Variants in LRRN4 observed in about 807,000 individuals in gnomAD.
The protein encoded by LRRN4 is leucine-rich repeat neuronal protein 4.
In LRRN4, 26 loss-of-function variants were observed where a neutral mutation model predicts 22.3. The ratio of observed to expected loss-of-function variants is 1.16; its 90% CI spans 0.85 to 1.62. The LOEUF (loss-of-function observed/expected upper bound fraction) is 1.62. LRRN4 is among the 40% of genes most tolerant of loss of function. LRRN4 has a pLI of 0.00. For synonymous variants in LRRN4, 496 were observed against 486.2 expected, an observed-to-expected ratio of 1.02 and a Z score of -0.26; for missense variants, 1,070 against 1,008.5, an observed-to-expected ratio of 1.06 and a Z score of -0.83.
Position 6,041,207 on chromosome 20 carries a change from A to G in LRRN4, c.2038T>C (p.Phe680Leu). 6.3e-7 allele frequency: 1 copy of G among 1,589,626 alleles called. No individual in the cohort carries two copies. Among genetic ancestry groups the G allele is most frequent in the Non-Finnish European group, 8.6e-7 (1 of 1,165,936 alleles). The change falls in exon 5 of 5, where the codon TTC becomes CTC. Residue 680 changes from phenylalanine to leucine, a missense_variant. By Grantham distance (22) the Phe-to-Leu change is conservative. Transcript: ENST00000378858. The surrounding 1 kb of genome is among the most constrained non-coding windows in gnomAD (Gnocchi z 9.4). The part of the protein sequence containing the change: ...PCAAFTTKPS[F>L]ALLLSGLCAA... ...CACAGCCCAGAGAGCAGGAGCGCGAAGCTGGGCTTGGTGGTGAAGGCGGCG... is the reference window on the plus strand; with the variant it reads ...CACAGCCCAGAGAGCAGGAGCGCGAGGCTGGGCTTGGTGGTGAAGGCGGCG...
intron 4 of LRRN4, among the ~76,000 whole-genome samples, chr20:6,043,874 C>T (rs569435677): frequency 6.6e-6 from 1 of 152,256 alleles, no homozygotes; most frequent in South Asian, 2.1e-4. Flanking sequence ...TACCACTGCA[C>T]TCCAGCCTGC....
At chr20:6,046,547 G>A (rs1004481107) in intron 3 of LRRN4, among the ~76,000 whole-genome samples, 10 of 148,446 alleles carry the variant, frequency 6.7e-5, no homozygotes, top group African/African-American at 2.4e-4. Context: ...TCATTTACAT[G>A]TACTCAGTGA....
chr20:6,053,052 T>C (rs558930280), intron 1 of LRRN4, among the ~76,000 whole-genome samples: 1 of 152,266 alleles, frequency 6.6e-6, no homozygotes, highest in African/African-American at 2.4e-5. Context: ...AAGGATGCCT[T>C]TTCCTCTTCT....
intron 4 of LRRN4, among the ~76,000 whole-genome samples, chr20:6,043,201 G>C (rs1981014534): frequency 6.6e-6 from 1 of 152,138 alleles, no homozygotes; most frequent in Admixed American, 6.5e-5. Flanking sequence ...TTGAGGCCAG[G>C]AGTTGGAGAC....
In LRRN4 at chr20:6,041,227, G is replaced by T; in HGVS notation, c.2018C>A (p.Ala673Asp). Residue 673 changes from alanine to aspartate, a missense_variant, in exon 5 of 5, where the codon GCC (alanine) becomes GAC (aspartate). By Grantham distance (126) the Ala-to-Asp change is moderately radical. Transcript: ENST00000378858. This position sits in a 1 kb window ranked among gnomAD's most constrained non-coding sequence, Gnocchi z 9.4. ...RSSGWRSPCA[A>D]FTTKPSFALL... ...CGCGAAGCTGGGCTTGGTGGTGAAGGCGGCGCACGGGCTCCTCCAGCCCGA... is the reference window on the plus strand; with the variant it reads ...CGCGAAGCTGGGCTTGGTGGTGAAGTCGGCGCACGGGCTCCTCCAGCCCGA... 1 of 1,582,054 alleles carries T rather than the reference G, an allele frequency of 6.3e-7. No homozygotes were observed. The highest frequency in any genetic ancestry group is 8.6e-7 in the Non-Finnish European group (1 of 1,163,202).
At position 6,042,009 on chromosome 20, in the gene LRRN4, C is replaced by T. The variant is rs1254740639; in HGVS notation, c.1236G>A (p.Val412=). ...DQQSVSKAPN[V]GSRTIAAWPH... Reference sequence around the variant, plus strand: ...GCCATGCAGCTATCGTGCGAGAGCCCACGTTAGGGGCCTTGGAGACACTCT... The same window carrying T: ...GCCATGCAGCTATCGTGCGAGAGCCTACGTTAGGGGCCTTGGAGACACTCT... Residue 412 remains valine, a synonymous_variant, in exon 5 of 5, where the codon GTG becomes GTA. Transcript: ENST00000378858. 4.3e-6 allele frequency: 7 copies of T among 1,613,872 alleles called. No individual in the cohort carries two copies. The highest frequency in any genetic ancestry group is 8.5e-7 in the Non-Finnish European group (1 of 1,179,984).
In LRRN4 at chr20:6,041,259, T is replaced by A. The variant is rs751356192; in HGVS notation, c.1986A>T (p.Pro662=). The A allele has an allele frequency of 3.2e-6, 5 of 1,585,714 alleles. No homozygotes were observed. The highest frequency in any genetic ancestry group is 4.3e-6 in the Non-Finnish European group (5 of 1,167,156). The change falls in exon 5 of 5, where the codon CCA becomes CCT. Residue 662 remains proline, a synonymous_variant. Coordinates refer to ENST00000378858, the MANE Select transcript of LRRN4 (RefSeq NM_152611.5). The surrounding 1 kb of genome is among the most constrained non-coding windows in gnomAD (Gnocchi z 9.4). ...ACGGGCTCCTCCAGCCCGAAGACCG[T>A]GGCTGGCTCAAGCCCGCCCTGTTGG... is the stretch of plus-strand genomic sequence containing the variant. ...LAANRAGLSQ[P]RSSGWRSPCA... is the part of the protein sequence containing the mutation.
chr20:6,052,656 G>A lies in LRRN4; in HGVS notation c.144C>T (p.Cys48=). The change falls in exon 2 of 5, where the codon TGC becomes TGT. Residue 48 remains cysteine, a synonymous_variant. Coordinates refer to ENST00000378858, the MANE Select transcript of LRRN4 (RefSeq NM_152611.5). ...SSGSNATDSP[C]EGLPAADATA... is the part of the protein sequence containing the mutation. ...TCGCATCCGCGGCGGGCAGCCCCTC[G>A]CAGGGCGAGTCGGTGGCGTTGCTGC... The A allele has an allele frequency of 6.3e-7, 1 of 1,583,216 alleles. No individual in the cohort carries two copies. Among genetic ancestry groups the A allele is most frequent in the East Asian group, 2.3e-5 (1 of 44,056 alleles).
intron 3 of LRRN4, among the ~76,000 whole-genome samples, chr20:6,048,906 T>C (rs76529968): frequency 0.093 from 14,140 of 152,050 alleles, 850 homozygotes; most frequent in Middle Eastern, 0.21. Flanking sequence ...TAAGTGGAAA[T>C]AGGCAAGGAC....
chr20:6,040,695 C>T lies in LRRN4; in HGVS notation c.*327G>A, dbSNP rs895948934. The T allele has an allele frequency of 3.5e-6, 1 of 288,170 alleles. No individual in the cohort carries two copies. Among genetic ancestry groups the T allele is most frequent in the Non-Finnish European group, 6.5e-6 (1 of 153,710 alleles). The allele number at this position is 288,170 out of a possible 1,614,324, so 17.9% of individuals were successfully genotyped here. The stretch of plus-strand genomic sequence containing the variant: ...AACTTCTCTGTTTCATCCCTTCCTA[C>T]GTCCATACACTATTCTACTGGATAG... On this transcript the variant is annotated 3_prime_UTR_variant, in exon 5 of 5. Transcript: ENST00000378858.
chr20:6,040,934 G>C lies in LRRN4; in HGVS notation c.*88C>G. On this transcript the variant is annotated 3_prime_UTR_variant, in exon 5 of 5. Transcript: ENST00000378858. ...GGCTTCACGGGAATTAGAAACCCTAGGAGCGGATGGGGTCGTTTTTGACCG... is the reference window on the plus strand; with the variant it reads ...GGCTTCACGGGAATTAGAAACCCTACGAGCGGATGGGGTCGTTTTTGACCG... 1.3e-6 allele frequency: 2 copies of C among 1,544,520 alleles called. No individual in the cohort carries two copies. The highest frequency in any genetic ancestry group is 1.8e-6 in the Non-Finnish European group (2 of 1,141,344).
chr20:6,040,805 C>T lies in LRRN4; in HGVS notation c.*217G>A. 4.7e-6 allele frequency: 3 copies of T among 637,304 alleles called. No homozygotes were observed. Among genetic ancestry groups the T allele is most frequent in the Non-Finnish European group, 7.9e-6 (3 of 378,024 alleles). 39.5% of individuals were successfully genotyped at this position (637,304 alleles called of 1,614,324 possible). On this transcript the variant is annotated 3_prime_UTR_variant, in exon 5 of 5. Coordinates refer to ENST00000378858, the MANE Select transcript of LRRN4 (RefSeq NM_152611.5). ...CAGTGGGGAGCGATCTGGCATTGAC[C>T]ATCAGGTTTCTGGGAACAGAGTTAA...
intron 3 of LRRN4, 96 bp from the exon 4 acceptor site, chr20:6,044,776 A>T (rs914359275): frequency 1.7e-6 from 2 of 1,147,116 alleles, no homozygotes; most frequent in Non-Finnish European, 2.3e-6. Context: ...TGCCCATGGT[A>T]TCAGAAGCAT....
At chr20:6,047,419 C>CACACAT (rs1555796871) in intron 3 of LRRN4, among the ~76,000 whole-genome samples, 1 of 92,622 alleles carries the variant, frequency 1.1e-5, no homozygotes, top group East Asian at 2.6e-4. Flanking sequence ...AAGAAGCAGA[C>CACACAT]ACACATACAC....
chr20:6,053,509 T>C (rs1018897991), intron 1 of LRRN4, among the ~76,000 whole-genome samples: 2 of 152,038 alleles, frequency 1.3e-5, no homozygotes, highest in African/African-American at 2.4e-5. Context: ...GAGCTGCTAG[T>C]TGTGGAATTT....
Position 6,044,553 on chromosome 20 carries a change from C to A in LRRN4, c.988G>T (p.Val330Phe). 1 of 1,577,814 alleles carries A rather than the reference C, an allele frequency of 6.3e-7. No individual in the cohort carries two copies. Among genetic ancestry groups the A allele is most frequent in the Admixed American group, 1.8e-5 (1 of 54,518 alleles). ...TTGTAAATGTGTTACCTGCTTAGGA[C>A]AGTTCTCTTTGCATCCGTGAGGAGC... ...SWLLTDAKRT[V>F]LSRAADTMCA... is the part of the protein sequence containing the mutation. Residue 330 changes from valine (V) to phenylalanine (F), a missense_variant, in exon 4 of 5, where the codon GTC (valine) becomes TTC (phenylalanine). Val to Phe is a conservative substitution (Grantham distance 50). Transcript: ENST00000378858.
chr20:6,051,462 G>A (rs1475267980), intron 2 of LRRN4, among the ~76,000 whole-genome samples: 1 of 152,054 alleles, frequency 6.6e-6, no homozygotes, highest in East Asian at 1.9e-4. Flanking sequence ...CCTTCCCCTC[G>A]GTATTCCCCA....
At position 6,052,417 on chromosome 20, in the gene LRRN4, T is replaced by C; in HGVS notation, c.383A>G (p.Asp128Gly). ...AGCGGCCAGCTGGTTGTAGCTGAGG[T>C]CCAGGGTGTGCAGCCCCGCCGGCCC... ...PGGPAGLHTL[D>G]LSYNQLAALP... The change falls in exon 2 of 5, where the codon GAC (aspartate) becomes GGC (glycine). Residue 128 changes from aspartate to glycine, a missense_variant. Asp to Gly is a moderately conservative substitution (Grantham distance 94). Coordinates refer to ENST00000378858, the MANE Select transcript of LRRN4 (RefSeq NM_152611.5). 6.5e-7 allele frequency: 1 copy of C among 1,544,576 alleles called. No individual in the cohort carries two copies. Among genetic ancestry groups the C allele is most frequent in the Non-Finnish European group, 8.7e-7 (1 of 1,154,186 alleles).
In LRRN4 at chr20:6,042,227, C is replaced by T. The variant is rs201837434; in HGVS notation, c.1018G>A (p.Ala340Thr). Residue 340 changes from alanine (A) to threonine (T), a missense_variant, in exon 5 of 5, where the codon GCG becomes ACG. Ala to Thr is a moderately conservative substitution (Grantham distance 58). Coordinates refer to ENST00000378858, the MANE Select transcript of LRRN4 (RefSeq NM_152611.5). ...GGGCCGCTGGATCCCGCAGCTGGCG[C>T]GCACATAGTGTCTGCTGCCCTGGAG... ...VLSRAADTMCAPAAGSSGPFS... is the reference protein window; with the variant it reads ...VLSRAADTMCTPAAGSSGPFS... The T allele has an allele frequency of 8.1e-6, 13 of 1,611,960 alleles. No individual in the cohort carries two copies. The highest frequency in any genetic ancestry group is 4.4e-5 in the South Asian group (4 of 90,782).
Sources: allele counts gnomAD v4.1 joint callset (sites outside exome capture counted in the v4.1 genomes callset), GRCh38; gene constraint gnomAD v4.1.1; non-coding constraint Gnocchi (gnomAD v3.1); transcripts MANE v1.5; gene names NCBI Gene and HGNC (gene_info 2026-07-23, HGNC 2026-07-21).